Variants in NSD1 observed in about 807,000 individuals in gnomAD.
The protein encoded by NSD1 is histone-lysine N-methyltransferase, H3 lysine-36 specific.
Under a neutral mutation model 242.7 loss-of-function variants are expected in NSD1, and 26 were observed. The observed-to-expected ratio is 0.11, with a 90% CI of 0.08 to 0.15. The LOEUF is 0.15. Ranked by LOEUF, NSD1 falls within the 10% of genes least tolerant of loss-of-function variation. The probability of loss-of-function intolerance (pLI) is 1.00; values close to 1 mark genes in which losing one functional copy is unlikely to be tolerated. For synonymous variants in NSD1, 1,106 were observed against 1,178.1 expected (o/e 0.94, Z 1.25); for missense variants, 2,495 against 3,272.8 (o/e 0.76, Z 5.80).
rs191716070 is a variant in NSD1, at chr5:177,177,975, A to G, written c.928-13909A>G. 4.6e-5 allele frequency among the ~76,000 whole-genome samples: 7 copies of G among 152,122 alleles called. No homozygotes were observed. The South Asian group carries it at 6.2e-4, about 14-fold the overall frequency. ...AGTGGAGCAGTTTTGGCTCACTGCA[A>G]CCTCCACCTTCCGGGTTCAAGTGAT... On this transcript the variant is annotated intron_variant, in intron 2 of 22. Transcript: ENST00000439151.
intron 20 of NSD1, among the ~76,000 whole-genome samples, chr5:177,284,448 G>T (rs1358464750): frequency 6.6e-6 from 1 of 151,582 alleles, no homozygotes; most frequent in Admixed American, 6.6e-5. Flanking sequence ...CAGGTTTTTT[G>T]TTTTTTGTTT....
At chr5:177,231,827 C>A (rs1281036889) in intron 5 of NSD1, among the ~76,000 whole-genome samples, 1 of 152,024 alleles carries the variant, frequency 6.6e-6, no homozygotes, top group Non-Finnish European at 1.5e-5. Flanking sequence ...AAATCTTATT[C>A]TCCTGCCTTT....
At chr5:177,196,577 C>T (rs1243293457) in intron 3 of NSD1, among the ~76,000 whole-genome samples, 1 of 152,170 alleles carries the variant, frequency 6.6e-6, no homozygotes, top group Admixed American at 6.6e-5. Context: ...TTAGCTTCAT[C>T]ACTGGATGGC....
At chr5:177,259,366 C>T (rs1756800651) in intron 13 of NSD1, among the ~76,000 whole-genome samples, 1 of 152,170 alleles carries the variant, frequency 6.6e-6, no homozygotes, top group Non-Finnish European at 1.5e-5. Flanking sequence ...GTATTTCCAG[C>T]TTCTTGGGAA....
chr5:177,169,130 C>A (rs895041110), intron 2 of NSD1, among the ~76,000 whole-genome samples: 2 of 152,092 alleles, frequency 1.3e-5, no homozygotes, highest in East Asian at 3.9e-4. Flanking sequence ...GTGGATCAAC[C>A]AGCAGCAGAC....
rs201823140 is a variant in NSD1, at chr5:177,295,439, G to A, written c.8071G>A (p.Ala2691Thr). 568 of 1,614,048 alleles carry A rather than the reference G, an allele frequency of 3.5e-4. No individual in the cohort carries two copies. Among genetic ancestry groups the A allele is most frequent in the Non-Finnish European group, 4.7e-4 (557 of 1,179,958 alleles). The change falls in exon 23 of 23, where the codon GCA becomes ACA. Residue 2691 changes from alanine (A) to threonine (T), a missense_variant. Ala to Thr is a moderately conservative substitution (Grantham distance 58). Around this residue, in one of 19 missense-constraint regions of NSD1, gnomAD observed 475 missense variants for 563.7 expected, o/e 0.84. Transcript: ENST00000439151. The surrounding 1 kb of genome is among the most constrained non-coding windows in gnomAD (Gnocchi z 4.3). Reference protein sequence around the residue: ...LNQAPSSHKCAESEQK With the variant: ...LNQAPSSHKCTESEQK ...CCAGGCTCCTTCCAGTCACAAGTGT[G>A]CAGAATCAGAACAGAAGTAGTACCA...
chr5:177,166,427 A>G (rs1347681513), intron 2 of NSD1, among the ~76,000 whole-genome samples: 1 of 151,950 alleles, frequency 6.6e-6, no homozygotes, highest in Non-Finnish European at 1.5e-5. Flanking sequence ...ATGCACCTGT[A>G]GTCTGAGCTA....
In NSD1 at chr5:177,238,222, A is replaced by AT; in HGVS notation, c.3922-9dup. ...ATTTTGGCCTGTGGACTCTATTTTT[A>AT]TTTTTTGTTCTTAGGTAAGTTCCCG... On this transcript the variant is annotated splice_polypyrimidine_tract_variant and intron_variant, in intron 6 of 22. Coordinates refer to ENST00000439151, the MANE Select transcript of NSD1 (RefSeq NM_022455.5). The surrounding 1 kb of genome is among the most constrained non-coding windows in gnomAD (Gnocchi z 4.6). 2 of 1,613,940 alleles carry AT rather than the reference A, an allele frequency of 1.2e-6. No homozygotes were observed. The highest frequency in any genetic ancestry group is 1.7e-6 in the Non-Finnish European group (2 of 1,179,980).
At chr5:177,178,515 C>T (rs185991647) in intron 2 of NSD1, among the ~76,000 whole-genome samples, 19 of 152,156 alleles carry the variant, frequency 1.2e-4, no homozygotes, top group African/African-American at 4.6e-4. Context: ...CGTAAGCCAC[C>T]GCACCCGGCC....
chr5:177,212,002 T>A lies in NSD1; in HGVS notation c.3603T>A (p.Asp1201Glu). 1 of 1,613,784 alleles carries A rather than the reference T, an allele frequency of 6.2e-7. No homozygotes were observed. Among genetic ancestry groups the A allele is most frequent in the Non-Finnish European group, 8.5e-7 (1 of 1,179,738 alleles). The change falls in exon 5 of 23, where the codon GAT becomes GAA. Residue 1201 changes from aspartate (D) to glutamate (E), a missense_variant. By Grantham distance (45) the Asp-to-Glu change is conservative (BLOSUM62 2). Transcript: ENST00000439151. ...LPSDPVQEGR[D>E]EFPEHRTPSA... is the part of the protein sequence containing the mutation. ...GTGACCCTGTGCAGGAGGGGCGGGATGAGTTTCCAGAGCATAGAACTCCTT... is the reference window on the plus strand; with the variant it reads ...GTGACCCTGTGCAGGAGGGGCGGGAAGAGTTTCCAGAGCATAGAACTCCTT...
intron 2 of NSD1, among the ~76,000 whole-genome samples, chr5:177,178,017 C>T (rs900541863): frequency 1.3e-5 from 2 of 152,126 alleles, no homozygotes; most frequent in Non-Finnish European, 2.9e-5. Flanking sequence ...ACTACAACCT[C>T]CTGAGTAGCT....
At position 177,266,411 on chromosome 5, in the gene NSD1, C is replaced by T. The variant is rs531647471; in HGVS notation, c.5147-1151C>T. On this transcript the variant is annotated intron_variant, in intron 14 of 22. Coordinates refer to ENST00000439151, the MANE Select transcript of NSD1 (RefSeq NM_022455.5). ...AGGATGCTTGTGTCCGAGCCCACAT[C>T]CAGCACCACCTTGTCTTTAAAGAGG... 214 of 634,244 alleles carry T rather than the reference C, an allele frequency of 3.4e-4. 1 individual carries two copies. The African/African-American group carries it at 3.7e-3, about 11-fold the overall frequency. The allele number at this position is 634,244 out of a possible 1,614,324, so 39.3% of individuals were successfully genotyped here.
In NSD1 at chr5:177,212,041, T is replaced by C; in HGVS notation, c.3642T>C (p.Leu1214=). 1.9e-6 allele frequency: 3 copies of C among 1,614,048 alleles called. No individual in the cohort carries two copies. In the South Asian group the frequency reaches 3.3e-5, roughly 18 times the overall value. ...PEHRTPSASI[L]EEPLTEQNHA... ...ATAGAACTCCTTCAGCAAGCATACT[T>C]GAGGAACCACTGACAGAGCAAAATC... Residue 1214 remains leucine (L), a synonymous_variant, in exon 5 of 23, where the codon CTT becomes CTC. Coordinates refer to ENST00000439151, the MANE Select transcript of NSD1 (RefSeq NM_022455.5).
rs748510823 is a variant in NSD1 at position 177,238,195 on chromosome 5, C to T, written c.3922-42C>T. ...ATTCTTTTTGACACTTAAATTACAACAATTTTGGCCTGTGGACTCTATTTT... is the reference window on the plus strand; with the variant it reads ...ATTCTTTTTGACACTTAAATTACAATAATTTTGGCCTGTGGACTCTATTTT... On this transcript the variant is annotated intron_variant, in intron 6 of 22. Coordinates refer to ENST00000439151, the MANE Select transcript of NSD1 (RefSeq NM_022455.5). This position sits in a 1 kb window ranked among gnomAD's most constrained non-coding sequence, Gnocchi z 4.6. 7 of 1,610,562 alleles carry T rather than the reference C, an allele frequency of 4.3e-6. No homozygotes were observed. The African/African-American group carries it at 9.4e-5, about 22-fold the overall frequency.
At chr5:177,274,435 TATC>T (rs1205022433) in intron 17 of NSD1, among the ~76,000 whole-genome samples, 1 of 152,238 alleles carries the variant, frequency 6.6e-6, no homozygotes, top group Admixed American at 6.5e-5. Flanking sequence ...ATTGCAGTTT[TATC>T]ATTACTTTTA....
At chr5:177,254,887 G>A (rs1342463445) in intron 12 of NSD1, among the ~76,000 whole-genome samples, 2 of 151,938 alleles carry the variant, frequency 1.3e-5, no homozygotes, top group Non-Finnish European at 2.9e-5. Flanking sequence ...CTTTTTCCTA[G>A]GAAAGCTATT....
At chr5:177,270,556 T>C (rs1369327311) in intron 16 of NSD1, among the ~76,000 whole-genome samples, 1 of 152,238 alleles carries the variant, frequency 6.6e-6, no homozygotes, top group Non-Finnish European at 1.5e-5. Flanking sequence ...GTACAAATGG[T>C]TCCCAACTCA....
chr5:177,173,420 C>T (rs1013664143), intron 2 of NSD1, among the ~76,000 whole-genome samples: 4 of 146,972 alleles, frequency 2.7e-5, no homozygotes, highest in East Asian at 2.0e-4. Context: ...TGAGTAATTT[C>T]GAGTGTATGT....
At chr5:177,170,114 C>T (rs1023024160) in intron 2 of NSD1, among the ~76,000 whole-genome samples, 10 of 151,548 alleles carry the variant, frequency 6.6e-5, no homozygotes, top group Non-Finnish European at 1.2e-4. Context: ...GGACTACAGG[C>T]GCCCGCCACC....
Sources: allele counts gnomAD v4.1 joint callset (sites outside exome capture counted in the v4.1 genomes callset), GRCh38; gene constraint gnomAD v4.1.1; regional missense constraint gnomAD v4.1.1; non-coding constraint Gnocchi (gnomAD v3.1); transcripts MANE v1.5; gene names NCBI Gene and HGNC (gene_info 2026-07-23, HGNC 2026-07-21).